The following COL9A1 variants were observed in gnomAD, a reference collection of about 807,000 sequenced individuals.
COL9A1 encodes the protein collagen type IX alpha 1 chain, also known as collagen alpha-1(IX) chain.
A neutral mutation model predicts 142.6 loss-of-function variants in COL9A1; 104 were observed. The observed-to-expected ratio is 0.73, with a 90% CI of 0.62 to 0.86. COL9A1 has a LOEUF of 0.86. COL9A1 is among the 40% of genes least tolerant of loss of function. The pLI, the probability that COL9A1 is intolerant of heterozygous loss-of-function variation, is 0.00. For synonymous variants in COL9A1, 466 were observed against 396.0 expected (o/e 1.18, Z -2.10); for missense variants, 1,210 against 1,176.6 (o/e 1.03, Z -0.42).
At chr6:70,291,241 C>T (rs1279892962) in intron 5 of COL9A1, among the ~76,000 whole-genome samples, 2 of 152,132 alleles carry the variant, frequency 1.3e-5, no homozygotes, top group Non-Finnish European at 2.9e-5. Context: ...AATGGGAACA[C>T]TAACAAAGCT....
At position 70,268,785 on chromosome 6, in the gene COL9A1, C is replaced by T; in HGVS notation, c.1287+19G>A. The T allele has an allele frequency of 5.0e-6, 8 of 1,609,978 alleles. No individual in the cohort carries two copies. Among genetic ancestry groups the T allele is most frequent in the Non-Finnish European group, 6.8e-6 (8 of 1,176,542 alleles). ...ATCTGTGGATAATACTCTTAAAATACTGGAAGTTATTCTCTTACCCTCATG... is the reference window on the plus strand; with the variant it reads ...ATCTGTGGATAATACTCTTAAAATATTGGAAGTTATTCTCTTACCCTCATG... On this transcript the variant is annotated intron_variant, in intron 17 of 37. Transcript: ENST00000357250.
At chr6:70,255,912 A>G (rs1245849646) in intron 21 of COL9A1, among the ~76,000 whole-genome samples, 1 of 152,250 alleles carries the variant, frequency 6.6e-6, no homozygotes, top group Non-Finnish European at 1.5e-5. Context: ...GCTTAACTCT[A>G]AAACCTCAAA....
At chr6:70,268,340 G>A (rs527977164) in intron 17 of COL9A1, among the ~76,000 whole-genome samples, 20 of 151,878 alleles carry the variant, frequency 1.3e-4, no homozygotes, top group African/African-American at 3.4e-4. Flanking sequence ...TCAGCCTCCC[G>A]AGTAGCCAGG....
intron 4 of COL9A1, among the ~76,000 whole-genome samples, chr6:70,295,829 A>G (rs1397237877): frequency 6.6e-6 from 1 of 152,174 alleles, no homozygotes; most frequent in Admixed American, 6.5e-5. Flanking sequence ...CTTGAACATT[A>G]TGTCTTTTTA....
chr6:70,253,494 C>T (rs759119370), intron 25 of COL9A1, 65 bp from the exon 26 acceptor site: 9 of 1,099,918 alleles, frequency 8.2e-6, no homozygotes, highest in Non-Finnish European at 1.1e-5. Flanking sequence ...GATGCCAAGC[C>T]CACTGCACAC....
intron 28 of COL9A1, among the ~76,000 whole-genome samples, chr6:70,244,662 A>C (rs139692968): frequency 6.6e-6 from 1 of 152,348 alleles, no homozygotes; most frequent in East Asian, 1.9e-4. Context: ...TATCCAAAAT[A>C]AAGATGATTA....
chr6:70,242,292 A>AGCCCCCGCC (rs986705116), intron 29 of COL9A1: 2 of 585,126 alleles, frequency 3.4e-6, no homozygotes, highest in Admixed American at 2.8e-5. Flanking sequence ...TTTTCAGTCA[A>AGCCCCCGCC]GCCCCCGCCA....
intron 14 of COL9A1, 122 bp from the exon 15 acceptor site, chr6:70,270,489 A>G: frequency 1.4e-6 from 1 of 721,892 alleles, no homozygotes; most frequent in East Asian, 2.9e-5. Flanking sequence ...CCATGCATAG[A>G]CCTGCCACCA....
chr6:70,254,082 A>T (rs1771116774), intron 25 of COL9A1, among the ~76,000 whole-genome samples: 1 of 152,200 alleles, frequency 6.6e-6, no homozygotes, highest in Non-Finnish European at 1.5e-5. Context: ...ATAGTACATA[A>T]TCTAAGGGGT....
At chr6:70,272,203 C>T (rs1772450965) in intron 12 of COL9A1, 115 bp from the exon 13 acceptor site, 2 of 775,346 alleles carry the variant, frequency 2.6e-6, no homozygotes, top group Admixed American at 2.6e-5. Context: ...AAATGATGCT[C>T]ATTCTAAAGA....
intron 10 of COL9A1, among the ~76,000 whole-genome samples, chr6:70,278,636 CTCA>C (rs1772919468): frequency 6.6e-6 from 1 of 152,130 alleles, no homozygotes; most frequent in Non-Finnish European, 1.5e-5. Flanking sequence ...ACTAAATGTG[CTCA>C]TCATTTTTTC....
intron 37 of COL9A1, among the ~76,000 whole-genome samples, chr6:70,223,026 G>GTGAAAAGA (rs1411010045): frequency 5.5e-4 from 83 of 152,268 alleles, no homozygotes; most frequent in Non-Finnish European, 8.1e-4. Flanking sequence ...CAATTAACCA[G>GTGAAAAGA]TGAAAAGATG....
intron 25 of COL9A1, 136 bp downstream of exon 25, chr6:70,254,339 TA>T: frequency 2.8e-6 from 2 of 715,624 alleles, no homozygotes; most frequent in Non-Finnish European, 4.6e-6. Flanking sequence ...AATACAAATG[TA>T]AATTGTAAAA....
At chr6:70,284,758 T>A (rs1773380317) in intron 5 of COL9A1, among the ~76,000 whole-genome samples, 1 of 152,250 alleles carries the variant, frequency 6.6e-6, no homozygotes, top group South Asian at 2.1e-4. Flanking sequence ...TGGATCCATA[T>A]TTCTTTGTCA....
intron 18 of COL9A1, among the ~76,000 whole-genome samples, chr6:70,264,195 A>T (rs1475152750): frequency 1.3e-5 from 2 of 151,972 alleles, no homozygotes; most frequent in Admixed American, 6.6e-5. Context: ...TTTTTCATTT[A>T]TAGTTACTCT....
In COL9A1 at chr6:70,274,721, T is replaced by C; in HGVS notation, c.1027A>G (p.Lys343Glu). 6.2e-7 allele frequency: 1 copy of C among 1,611,676 alleles called. No individual in the cohort carries two copies. The highest frequency in any genetic ancestry group is 1.1e-5 in the South Asian group (1 of 91,032). The change falls in exon 11 of 38, where the codon AAA becomes GAA. Residue 343 changes from lysine (K) to glutamate (E), a missense_variant and splice_region_variant. Transcript: ENST00000357250. ...SPGSIGSKGQ[K>E]GEPGVPGSRG... ...TTAATGCCAGATGGCTAACTTACTT[T>C]TTGTCCCTTTGACCCAATGGAGCCA...
At chr6:70,263,588 G>C (rs1771830867) in intron 18 of COL9A1, among the ~76,000 whole-genome samples, 1 of 151,934 alleles carries the variant, frequency 6.6e-6, no homozygotes, top group Non-Finnish European at 1.5e-5. Flanking sequence ...GAAAGAGGAA[G>C]AGAGACAAAG....
Position 70,272,100 on chromosome 6 carries a change from C to T in COL9A1, c.1066-12G>A, listed in dbSNP as rs1772439706. 4 of 1,609,038 alleles carry T rather than the reference C, an allele frequency of 2.5e-6. No individual in the cohort carries two copies. In the Admixed American group the frequency reaches 6.7e-5, roughly 27 times the overall value. On this transcript the variant is annotated splice_polypyrimidine_tract_variant and intron_variant, in intron 12 of 37. Transcript: ENST00000357250. ...GGAATACCACGGCCCTAAAAGAGTA[C>T]AATAAAAATGGTTATAGCTTGAGGT...
chr6:70,256,312 A>G (rs931887906), intron 21 of COL9A1, among the ~76,000 whole-genome samples: 1 of 152,208 alleles, frequency 6.6e-6, no homozygotes, highest in East Asian at 1.9e-4. Flanking sequence ...GGCATATTCA[A>G]TTATCAATGG....
Sources: allele counts gnomAD v4.1 joint callset (sites outside exome capture counted in the v4.1 genomes callset), GRCh38; gene constraint gnomAD v4.1.1; transcripts MANE v1.5; gene names NCBI Gene and HGNC (gene_info 2026-07-23, HGNC 2026-07-21).